Variants in SYNPR observed in about 807,000 individuals in gnomAD.
SYNPR encodes synaptoporin.
Under a neutral mutation model 32.9 loss-of-function variants are expected in SYNPR, and 23 were observed. That is an observed-to-expected ratio of 0.70 (90% CI 0.50 to 0.99). The LOEUF is 0.99. SYNPR is among the 50% of genes least tolerant of loss of function. The pLI is 0.00. For synonymous variants in SYNPR, 146 were observed against 135.9 expected (o/e 1.07, Z -0.52); for missense variants, 318 against 349.3 (o/e 0.91, Z 0.71).
chr3:63,572,639 T>C (rs977329317), intron 4 of SYNPR, among the ~76,000 whole-genome samples: 4 of 152,130 alleles, frequency 2.6e-5, no homozygotes, highest in Admixed American at 6.6e-5. Flanking sequence ...AAGTGGAAAA[T>C]AATAACTCTT....
intron 2 of SYNPR, among the ~76,000 whole-genome samples, chr3:63,360,342 G>A (rs564154550): frequency 9.2e-5 from 14 of 152,192 alleles, no homozygotes; most frequent in African/African-American, 3.4e-4. Flanking sequence ...TGCCAACCAA[G>A]AGCCCTCCTA....
chr3:63,223,937 G>C (rs146685180), upstream of SYNPR, among the ~76,000 whole-genome samples: 50 of 152,194 alleles, frequency 3.3e-4, no homozygotes, highest in East Asian at 7.2e-3. Context: ...TTGTGGTAGA[G>C]GCTCCATGTA....
chr3:63,258,075 TCCTTAGAGA>T (rs2086403577), intron 2 of SYNPR, among the ~76,000 whole-genome samples: 1 of 152,082 alleles, frequency 6.6e-6, no homozygotes, highest in Non-Finnish European at 1.5e-5. Flanking sequence ...ATAAAGCAAG[TCCTTAGAGA>T]CCTAGAAAGA....
At chr3:63,268,205 A>C (rs980258639) in intron 3 of SYNPR, among the ~76,000 whole-genome samples, 1 of 152,236 alleles carries the variant, frequency 6.6e-6, no homozygotes, top group South Asian at 2.1e-4. Flanking sequence ...CAATAAAAGG[A>C]AAGTCATAGA....
rs375407637 is a variant in SYNPR, at chr3:63,556,783, T to A, written c.408+42T>A. The A allele has an allele frequency of 1.2e-4, 192 of 1,538,634 alleles. 2 individuals are homozygous for A. The East Asian group carries it at 3.9e-3, about 31-fold the overall frequency. ...TTCAAATAACTTTTTCTGTTCCTTC[T>A]AATTTCTTTTACTAATGCTTGAAGG... On this transcript the variant is annotated intron_variant, in intron 4 of 5. Coordinates refer to ENST00000478300, the MANE Select transcript of SYNPR (RefSeq NM_001130003.2).
chr3:63,273,234 A>C (rs1575582461), intron 3 of SYNPR, among the ~76,000 whole-genome samples: 1 of 152,214 alleles, frequency 6.6e-6, no homozygotes, highest in East Asian at 1.9e-4. Context: ...ATTGCAATGA[A>C]AACTGCAAAT....
intron 2 of SYNPR, among the ~76,000 whole-genome samples, chr3:63,416,833 A>G (rs1018176728): frequency 1.3e-5 from 2 of 152,102 alleles, no homozygotes; most frequent in African/African-American, 2.4e-5. Context: ...CAAGAACAGC[A>G]CAGGAAAAAC....
chr3:63,575,927 T>C (rs1316398355), intron 4 of SYNPR, among the ~76,000 whole-genome samples: 1 of 152,222 alleles, frequency 6.6e-6, no homozygotes, highest in Non-Finnish European at 1.5e-5. Context: ...CTGTTTATAA[T>C]CTTTAATGCA....
intron 2 of SYNPR, among the ~76,000 whole-genome samples, chr3:63,367,543 A>T (rs998078756): frequency 6.6e-6 from 1 of 152,008 alleles, no homozygotes; most frequent in African/African-American, 2.4e-5. Context: ...TTTGGTAGAC[A>T]TGGGGTTTTA....
chr3:63,608,495 A>G (rs967049048), intron 4 of SYNPR, among the ~76,000 whole-genome samples: 35 of 152,348 alleles, frequency 2.3e-4, no homozygotes, highest in Admixed American at 1.3e-3. Context: ...CAAAAACATT[A>G]CAGCTCTTAT....
chr3:63,616,166 A>C lies in SYNPR; in HGVS notation c.*685A>C, dbSNP rs1021725813. On this transcript the variant is annotated 3_prime_UTR_variant, in exon 6 of 6. Coordinates refer to ENST00000478300, the MANE Select transcript of SYNPR (RefSeq NM_001130003.2). ...TCTCTCTGGCTTTACCCAAGTTCTG[A>C]ATGCATTGTAATTAAAATTTAAGTT... 1.3e-5 allele frequency: 2 copies of C among 152,208 alleles called. No homozygotes were observed. 9.4% of individuals were successfully genotyped at this position (152,208 alleles called of 1,614,324 possible).
intron 3 of SYNPR, among the ~76,000 whole-genome samples, chr3:63,502,188 C>T (rs1024847946): frequency 2.0e-5 from 3 of 151,936 alleles, no homozygotes; most frequent in Non-Finnish European, 4.4e-5. Flanking sequence ...TAGTGGCTTG[C>T]ATTCTAGTTC....
chr3:63,263,849 T>C (rs2086459547), intron 2 of SYNPR, among the ~76,000 whole-genome samples: 2 of 152,164 alleles, frequency 1.3e-5, no homozygotes, highest in African/African-American at 4.8e-5. Context: ...ATTGGTGAAG[T>C]AGTCACAGAG....
intron 2 of SYNPR, among the ~76,000 whole-genome samples, chr3:63,343,278 AG>A (rs1368626315): frequency 6.6e-6 from 1 of 152,232 alleles, no homozygotes; most frequent in African/African-American, 2.4e-5. Flanking sequence ...GGTTTTAAGC[AG>A]GAAAAATCAT....
At chr3:63,427,709 G>A (rs1699917699) in intron 2 of SYNPR, 1 of 152,236 alleles carries the variant, frequency 6.6e-6, no homozygotes, top group African/African-American at 2.4e-5. Flanking sequence ...CCCTAGAGGG[G>A]AGCTCAGAGC....
chr3:63,444,580 T>C (rs570767197), intron 2 of SYNPR, among the ~76,000 whole-genome samples: 6 of 151,990 alleles, frequency 3.9e-5, no homozygotes, highest in Middle Eastern at 3.4e-3. Flanking sequence ...ATTTCGAGAG[T>C]AAAGTTGGGA....
chr3:63,342,324 G>A (rs4422300), intron 2 of SYNPR, among the ~76,000 whole-genome samples: 112,395 of 152,134 alleles, frequency 0.74, 42,764 homozygotes, highest in Non-Finnish European at 0.83. Context: ...GTTTTAAACT[G>A]TAATCATTAC....
At chr3:63,406,211 A>T (rs2107108624) in intron 2 of SYNPR, among the ~76,000 whole-genome samples, 1 of 152,186 alleles carries the variant, frequency 6.6e-6, no homozygotes, top group Middle Eastern at 3.4e-3. Context: ...GCTTTAAAAA[A>T]AAAAAAAGCC....
intron 2 of SYNPR, chr3:63,426,637 T>G (rs1384287329): frequency 2.6e-5 from 4 of 152,136 alleles, no homozygotes; most frequent in Non-Finnish European, 5.9e-5. Flanking sequence ...CAGAGGGGAT[T>G]TTAGTATGAT....
Sources: allele counts gnomAD v4.1 joint callset (sites outside exome capture counted in the v4.1 genomes callset), GRCh38; gene constraint gnomAD v4.1.1; transcripts MANE v1.5; gene names NCBI Gene and HGNC (gene_info 2026-07-23, HGNC 2026-07-21).